ANO1: variants seen among roughly 807,000 people sequenced by gnomAD.
The protein encoded by ANO1 is anoctamin 1.
ANO1 carries 59 observed loss-of-function variants against 124.0 expected under a neutral mutation model. The observed-to-expected ratio is 0.48, with a 90% CI of 0.39 to 0.59. The LOEUF is 0.59. Ranked by LOEUF, ANO1 falls within the 20% of genes least tolerant of loss-of-function variation. The pLI, the probability that ANO1 is intolerant of heterozygous loss-of-function variation, is 0.00. For synonymous variants in ANO1, 529 were observed against 532.0 expected (o/e 0.99, Z 0.08); for missense variants, 1,059 against 1,328.0 (o/e 0.80, Z 3.15).
chr11:70,106,265 G>A (rs1229817616), intron 5 of ANO1, among the ~76,000 whole-genome samples: 2 of 152,170 alleles, frequency 1.3e-5, no homozygotes, highest in Non-Finnish European at 2.9e-5. Flanking sequence ...AATCTGACCA[G>A]GCCACCCTGC....
At chr11:69,995,307 C>G (rs1856248463) in intron 1 of ANO1, among the ~76,000 whole-genome samples, 1 of 152,028 alleles carries the variant, frequency 6.6e-6, no homozygotes, top group South Asian at 2.1e-4. Context: ...CCATGTTGGC[C>G]AGGCTGGTCT....
chr11:70,089,996 TTTGTTTG>T (rs766312642), intron 2 of ANO1, among the ~76,000 whole-genome samples: 37,342 of 151,020 alleles, frequency 0.25, 5,763 homozygotes, highest in African/African-American at 0.42. Context: ...CCAGGGTTTG[TTTGTTTG>T]TTTGTTTGTT....
intron 8 of ANO1, 59 bp downstream of exon 8, chr11:70,116,558 C>A (rs541635940): frequency 6.5e-7 from 1 of 1,527,878 alleles, no homozygotes; most frequent in African/African-American, 1.4e-5. Flanking sequence ...CGTTCTGGGG[C>A]GGGGTGGGCC....
chr11:70,147,228 G>A (rs77652224), intron 11 of ANO1, among the ~76,000 whole-genome samples: 2 of 152,146 alleles, frequency 1.3e-5, no homozygotes, highest in Non-Finnish European at 2.9e-5. Context: ...GGAGACATCG[G>A]GGGCCTTGCA....
intron 1 of ANO1, among the ~76,000 whole-genome samples, chr11:70,018,661 T>G (rs1856743971): frequency 6.6e-6 from 1 of 152,084 alleles, no homozygotes; most frequent in Admixed American, 6.5e-5. Context: ...AATAAAGTGT[T>G]TTTGGAAGTT....
chr11:70,005,579 G>C (rs1554999921), intron 1 of ANO1, among the ~76,000 whole-genome samples: 1 of 152,194 alleles, frequency 6.6e-6, no homozygotes, highest in East Asian at 1.9e-4. Context: ...GAGGTGGGTT[G>C]TGTTTATTTA....
chr11:70,179,379 C>G (rs1379218625), intron 22 of ANO1, among the ~76,000 whole-genome samples: 1 of 152,216 alleles, frequency 6.6e-6, no homozygotes, highest in East Asian at 1.9e-4. Flanking sequence ...CTTCCTGGGC[C>G]CTGCTAGTTC....
At chr11:70,166,213 G>A (rs1459905601) in intron 20 of ANO1, among the ~76,000 whole-genome samples, 1 of 152,206 alleles carries the variant, frequency 6.6e-6, no homozygotes, top group Admixed American at 6.5e-5. Context: ...AGCTACCTGG[G>A]AGGCTGAGGC....
intron 1 of ANO1, chr11:70,064,734 T>C (rs9630218): frequency 0.57 from 86,971 of 152,082 alleles, 25,182 homozygotes; most frequent in East Asian, 0.7. Flanking sequence ...CTGTTCACTA[T>C]CAAAATGATC....
At chr11:69,992,644 T>C (rs17160521) in intron 1 of ANO1, among the ~76,000 whole-genome samples, 16,205 of 152,210 alleles carry the variant, frequency 0.11, 891 homozygotes, top group East Asian at 0.14. Context: ...TCCTCACTAA[T>C]TCAGCTGCTG....
intron 1 of ANO1, among the ~76,000 whole-genome samples, chr11:70,017,687 A>T (rs1856727315): frequency 6.6e-6 from 1 of 151,520 alleles, no homozygotes; most frequent in South Asian, 2.1e-4. Context: ...GCTAATTTTT[A>T]AATTATTTTT....
intron 1 of ANO1, among the ~76,000 whole-genome samples, chr11:69,996,927 C>A (rs1003409925): frequency 6.6e-6 from 1 of 152,178 alleles, no homozygotes; most frequent in African/African-American, 2.4e-5. Context: ...GGAAAATGCA[C>A]AGGTCACCTG....
chr11:70,014,303 T>G (rs1856661024), intron 1 of ANO1, among the ~76,000 whole-genome samples: 1 of 103,556 alleles, frequency 9.7e-6, no homozygotes. Flanking sequence ...GCAGGAGCTC[T>G]TCAGGGCACC....
intron 1 of ANO1, among the ~76,000 whole-genome samples, chr11:70,033,843 A>T (rs561842127): frequency 6.6e-6 from 1 of 152,302 alleles, no homozygotes; most frequent in South Asian, 2.1e-4. Flanking sequence ...CTTCGTGGGT[A>T]TGTGACCTGT....
chr11:70,043,259 G>C (rs972408967), intron 1 of ANO1, among the ~76,000 whole-genome samples: 6 of 151,992 alleles, frequency 3.9e-5, no homozygotes, highest in East Asian at 1.9e-4. Flanking sequence ...CAAAATTGAA[G>C]ACATAGCAAT....
chr11:69,968,977 G>C, the ANO1 span, among the ~76,000 whole-genome samples: 2 of 152,188 alleles, frequency 1.3e-5, no homozygotes, highest in African/African-American at 2.4e-5. Context: ...CTAACCTCTA[G>C]GTTCTCAGAG....
intron 11 of ANO1, among the ~76,000 whole-genome samples, chr11:70,134,719 C>T (rs540113437): frequency 3.3e-5 from 5 of 152,304 alleles, no homozygotes; most frequent in African/African-American, 9.6e-5. Context: ...AGCTACTCAT[C>T]GGCCCATGTG....
intron 22 of ANO1, among the ~76,000 whole-genome samples, chr11:70,179,725 G>A (rs138900151): frequency 2.0e-5 from 3 of 152,358 alleles, no homozygotes; most frequent in African/African-American, 7.2e-5. Context: ...TTAAACAGGT[G>A]CATGGGGAGA....
At position 70,045,418 on chromosome 11, in the gene ANO1, T is replaced by C. The variant is rs184867659; in HGVS notation, c.59-33124T>C. 1.4e-4 allele frequency among the ~76,000 whole-genome samples: 22 copies of C among 152,316 alleles called. No individual in the cohort carries two copies. The East Asian group carries it at 2.5e-3, about 17-fold the overall frequency. On this transcript the variant is annotated intron_variant, in intron 1 of 27. Coordinates refer to the ANO1 transcript ENST00000531349. ...AGGATGTTAAGAAGCTCTGCTTATATAGAAAGAAAACAAATCTGAAGAATA... is the reference window on the plus strand; with the variant it reads ...AGGATGTTAAGAAGCTCTGCTTATACAGAAAGAAAACAAATCTGAAGAATA...
Sources: allele counts gnomAD v4.1 joint callset (sites outside exome capture counted in the v4.1 genomes callset), GRCh38; gene constraint gnomAD v4.1.1; transcripts MANE v1.5; gene names NCBI Gene and HGNC (gene_info 2026-07-23, HGNC 2026-07-21).